The following DGCR2 variants were observed in gnomAD, a reference collection of about 807,000 sequenced individuals.
The protein encoded by DGCR2 is DiGeorge syndrome critical region gene 2.
Under a neutral mutation model 51.6 loss-of-function variants are expected in DGCR2, and 24 were observed. That is an observed-to-expected ratio of 0.47 (90% CI 0.34 to 0.65). DGCR2 has a LOEUF of 0.65. DGCR2 is among the 30% of genes least tolerant of loss of function. The probability of loss-of-function intolerance (pLI) is 0.01; values close to 1 mark genes in which losing one functional copy is unlikely to be tolerated. For missense variants in DGCR2, 765 were observed against 772.1 expected (o/e 0.99, Z 0.11); for synonymous variants, 340 against 315.4 (o/e 1.08, Z -0.82).
chr22:19,080,868 GC>G (rs1343858401), intron 2 of DGCR2, among the ~76,000 whole-genome samples: 2 of 152,146 alleles, frequency 1.3e-5, no homozygotes, highest in Non-Finnish European at 2.9e-5. Flanking sequence ...TCTTATGGTA[GC>G]AGAAAGAGTC....
chr22:19,079,336 A>T (rs566750328), intron 2 of DGCR2, among the ~76,000 whole-genome samples: 2 of 152,314 alleles, frequency 1.3e-5, no homozygotes, highest in East Asian at 3.9e-4. Flanking sequence ...TCTGGTCCCA[A>T]ACATTTCAGT....
At chr22:19,067,326 C>T (rs1428167692) in intron 3 of DGCR2, among the ~76,000 whole-genome samples, 1 of 152,214 alleles carries the variant, frequency 6.6e-6, no homozygotes, top group Non-Finnish European at 1.5e-5. Context: ...CTCAACCTTC[C>T]TTGATGATCT....
chr22:19,063,395 C>T (rs1057453570), intron 4 of DGCR2, 117 bp from the exon 5 acceptor site: 25 of 929,040 alleles, frequency 2.7e-5, no homozygotes, highest in Admixed American at 1.2e-4. Context: ...GGATGGAGTG[C>T]AGTGGTGCGA....
In DGCR2 at chr22:19,068,216, C is replaced by A; in HGVS notation, c.212G>T (p.Gly71Val). Residue 71 changes from glycine (G) to valine (V), a missense_variant, in exon 3 of 10, where the codon GGG becomes GTG. Physicochemically the swap from Gly to Val is moderately radical, Grantham distance 109. Around this residue, in one of 3 missense-constraint regions of DGCR2, gnomAD observed 370 missense variants for 325.5 expected, o/e 1.14. Coordinates refer to ENST00000263196, the MANE Select transcript of DGCR2 (RefSeq NM_005137.3). ...CTTCCCATGATGAGGACGCACCTCC[C>A]CGGTCACTTCTGAAAGCAAAAGGAG... The part of the protein sequence containing the change: ...SDEANCPEVT[G>V]EVRPHHGKEA... 1 of 1,599,356 alleles carries A rather than the reference C, an allele frequency of 6.3e-7. No homozygotes were observed. The highest frequency in any genetic ancestry group is 8.5e-7 in the Non-Finnish European group (1 of 1,173,162).
At chr22:19,103,739 T>C (rs1397093863) in intron 1 of DGCR2, among the ~76,000 whole-genome samples, 1 of 78,714 alleles carries the variant, frequency 1.3e-5, no homozygotes. Context: ...AAAAAATTCT[T>C]AAAAAAAAAA....
intron 9 of DGCR2, among the ~76,000 whole-genome samples, chr22:19,040,541 C>T (rs534294016): frequency 2.3e-4 from 35 of 152,308 alleles, no homozygotes; most frequent in African/African-American, 7.9e-4. Context: ...TGAGGAATGG[C>T]GCCCACTCTC....
intron 5 of DGCR2, among the ~76,000 whole-genome samples, 169 bp downstream of exon 5, chr22:19,063,033 A>G (rs372116008): frequency 1.3e-5 from 2 of 152,202 alleles, no homozygotes; most frequent in Non-Finnish European, 2.9e-5. Flanking sequence ...CCTGATCTGC[A>G]GGCTGCACTG....
At chr22:19,060,688 G>T in intron 5 of DGCR2, 1 of 288,676 alleles carries the variant, frequency 3.5e-6, no homozygotes. Context: ...AAATGTTACA[G>T]AAATCCTGGC....
At chr22:19,106,034 A>T (rs2083258201) in intron 1 of DGCR2, among the ~76,000 whole-genome samples, 1 of 151,866 alleles carries the variant, frequency 6.6e-6, no homozygotes, top group South Asian at 2.1e-4. Context: ...CCACCCCTGT[A>T]GCTTCCTGGA....
Position 19,056,766 on chromosome 22 carries a change from A to C in DGCR2, c.802+220T>G, listed in dbSNP as rs1601522665. On this transcript the variant is annotated intron_variant, in intron 6 of 9. Coordinates refer to ENST00000263196, the MANE Select transcript of DGCR2 (RefSeq NM_005137.3). ...ATGATTGTCTCTTCCGTGGGAAAAG[A>C]AGCTGGGCTCTAAGATGCTTCCGTG... is the stretch of plus-strand genomic sequence containing the variant. Among the ~76,000 whole-genome samples, 5 of 152,076 alleles carry C rather than the reference A, an allele frequency of 3.3e-5. No individual in the cohort carries two copies. The East Asian group carries it at 9.7e-4, about 29-fold the overall frequency.
chr22:19,084,741 C>T (rs1356160350), intron 2 of DGCR2, among the ~76,000 whole-genome samples: 25 of 147,752 alleles, frequency 1.7e-4, no homozygotes, highest in Admixed American at 6.0e-4. Flanking sequence ...CCCGGCCAGC[C>T]GCCCCGTCCG....
chr22:19,067,272 G>C (rs2082760457), intron 3 of DGCR2, among the ~76,000 whole-genome samples: 1 of 152,238 alleles, frequency 6.6e-6, no homozygotes, highest in Non-Finnish European at 1.5e-5. Flanking sequence ...CCTCGCGCCT[G>C]AGAGGGTCTG....
chr22:19,107,816 G>T (rs751752656), intron 1 of DGCR2, among the ~76,000 whole-genome samples: 3 of 152,152 alleles, frequency 2.0e-5, no homozygotes, highest in Non-Finnish European at 2.9e-5. Flanking sequence ...GAGCTATCTC[G>T]CATCTGATGT....
chr22:19,038,596 T>C lies in DGCR2; in HGVS notation c.*269A>G. On this transcript the variant is annotated 3_prime_UTR_variant, in exon 10 of 10. Coordinates refer to ENST00000263196, the MANE Select transcript of DGCR2 (RefSeq NM_005137.3). The stretch of plus-strand genomic sequence containing the variant: ...CTCTAACATGTGCGGTCTGAATGAA[T>C]TTTGTCACTCTTCTGCCATTTATAA... 1 of 530,410 alleles carries C rather than the reference T, an allele frequency of 1.9e-6. No individual in the cohort carries two copies. Among genetic ancestry groups the C allele is most frequent in the Non-Finnish European group, 3.3e-6 (1 of 301,014 alleles). 32.9% of individuals were successfully genotyped at this position (530,410 alleles called of 1,614,324 possible).
intron 7 of DGCR2, chr22:19,046,579 A>T (rs547734596): frequency 5.3e-5 from 10 of 190,100 alleles, no homozygotes; most frequent in African/African-American, 2.3e-4. Context: ...AGACACTCTT[A>T]GCTTGTTGGA....
intron 1 of DGCR2, among the ~76,000 whole-genome samples, chr22:19,107,967 G>A (rs1394135484): frequency 6.6e-6 from 1 of 152,226 alleles, no homozygotes; most frequent in East Asian, 1.9e-4. Flanking sequence ...GTGCCAGGCA[G>A]TATATCAAGT....
At chr22:19,102,177 G>A (rs1325467790) in intron 1 of DGCR2, among the ~76,000 whole-genome samples, 2 of 152,178 alleles carry the variant, frequency 1.3e-5, no homozygotes, top group Admixed American at 6.5e-5. Context: ...CACAAAAGAG[G>A]CAAATAGTAT....
chr22:19,086,543 A>G (rs1189429054), intron 2 of DGCR2, among the ~76,000 whole-genome samples: 1 of 152,054 alleles, frequency 6.6e-6, no homozygotes, highest in Admixed American at 6.5e-5. Flanking sequence ...ATACAAGGAC[A>G]ATCATAGGAC....
chr22:19,108,036 C>T (rs1293241300), intron 1 of DGCR2, among the ~76,000 whole-genome samples: 56 of 152,082 alleles, frequency 3.7e-4, no homozygotes, highest in Admixed American at 3.6e-3. Flanking sequence ...CCATGAACAC[C>T]GCCGTGTACC....
Sources: allele counts gnomAD v4.1 joint callset (sites outside exome capture counted in the v4.1 genomes callset), GRCh38; gene constraint gnomAD v4.1.1; regional missense constraint gnomAD v4.1.1; transcripts MANE v1.5; gene names NCBI Gene and HGNC (gene_info 2026-07-23, HGNC 2026-07-21).